The following REEP3 variants were observed in gnomAD, a reference collection of about 807,000 sequenced individuals.
REEP3 encodes the protein receptor expression-enhancing protein 3.
In REEP3, 20 loss-of-function variants were observed where a neutral mutation model predicts 41.3. The ratio of observed to expected loss-of-function variants is 0.48; its 90% CI spans 0.34 to 0.70. The LOEUF is 0.70. REEP3 is among the 30% of genes least tolerant of loss of function. REEP3 has a pLI of 0.01. For missense variants in REEP3, 271 were observed against 308.8 expected (o/e 0.88, Z 0.92); for synonymous variants, 104 against 101.8 (o/e 1.02, Z -0.13).
chr10:63,523,108 A>G (rs996062677), intron 1 of REEP3, among the ~76,000 whole-genome samples: 1 of 151,824 alleles, frequency 6.6e-6, no homozygotes, highest in Non-Finnish European at 1.5e-5. Context: ...TTTGTTTTTC[A>G]TAATTGCCAA....
At chr10:63,583,888 T>A (rs1046553711) in intron 2 of REEP3, among the ~76,000 whole-genome samples, 1 of 152,200 alleles carries the variant, frequency 6.6e-6, no homozygotes, top group African/African-American at 2.4e-5. Flanking sequence ...GACTGAGAAG[T>A]CATTCCTTCC....
intron 2 of REEP3, among the ~76,000 whole-genome samples, chr10:63,585,861 T>A (rs1372990592): frequency 6.6e-6 from 1 of 152,188 alleles, no homozygotes; most frequent in Non-Finnish European, 1.5e-5. Flanking sequence ...CCTTGTATAC[T>A]TGGGGCCTGG....
At chr10:63,571,995 T>C (rs918779303) in intron 2 of REEP3, among the ~76,000 whole-genome samples, 2 of 152,216 alleles carry the variant, frequency 1.3e-5, no homozygotes, top group African/African-American at 2.4e-5. Context: ...AATATGCATC[T>C]GATTAATTCA....
At chr10:63,605,781 A>C (rs987521894) in intron 5 of REEP3, among the ~76,000 whole-genome samples, 1 of 152,164 alleles carries the variant, frequency 6.6e-6, no homozygotes, top group Non-Finnish European at 1.5e-5. Context: ...CAGATGTCCT[A>C]GTGCCCTTGG....
intron 3 of REEP3, among the ~76,000 whole-genome samples, chr10:63,596,172 G>A (rs181349188): frequency 4.2e-4 from 64 of 152,108 alleles, no homozygotes; most frequent in Non-Finnish European, 5.3e-4. Context: ...ATTTGCAAAC[G>A]TCACTGTATC....
intron 5 of REEP3, among the ~76,000 whole-genome samples, chr10:63,602,727 A>G (rs879840125): frequency 6.6e-5 from 10 of 152,180 alleles, no homozygotes; most frequent in Non-Finnish European, 1.5e-4. Flanking sequence ...ACTCCCACGT[A>G]GGGCATCAGC....
chr10:63,602,814 A>G (rs1351061469), intron 5 of REEP3, among the ~76,000 whole-genome samples: 1 of 152,152 alleles, frequency 6.6e-6, no homozygotes, highest in African/African-American at 2.4e-5. Flanking sequence ...ATTGGTATTT[A>G]GCATTCTACA....
chr10:63,594,948 C>T, intron 3 of REEP3, 94 bp downstream of exon 3: 1 of 808,190 alleles, frequency 1.2e-6, no homozygotes, highest in South Asian at 1.4e-5. Context: ...GAGTGATTTT[C>T]ATCAGGTTAC....
intron 1 of REEP3, among the ~76,000 whole-genome samples, chr10:63,565,036 T>C (rs1395946222): frequency 6.6e-6 from 1 of 152,176 alleles, no homozygotes; most frequent in East Asian, 1.9e-4. Context: ...GGCAGGTGGA[T>C]CACTTGAGGT....
intron 1 of REEP3, among the ~76,000 whole-genome samples, chr10:63,538,901 C>G (rs1955500594): frequency 1.3e-5 from 2 of 152,164 alleles, no homozygotes; most frequent in Admixed American, 1.3e-4. Context: ...TATCCCCTTG[C>G]TTCCTTGTCA....
chr10:63,560,005 G>A (rs1025777385), intron 1 of REEP3, among the ~76,000 whole-genome samples: 1 of 152,054 alleles, frequency 6.6e-6, no homozygotes, highest in South Asian at 2.1e-4. Flanking sequence ...ATGCTCTAAG[G>A]TGTTAATTAT....
chr10:63,543,027 T>C (rs1462126387), intron 1 of REEP3, among the ~76,000 whole-genome samples: 1 of 152,082 alleles, frequency 6.6e-6, no homozygotes, highest in Non-Finnish European at 1.5e-5. Flanking sequence ...CCAGTGCTCC[T>C]CCCCAGCCAT....
At chr10:63,591,127 G>GT (rs5785582) in intron 2 of REEP3, among the ~76,000 whole-genome samples, 163 of 135,962 alleles carry the variant, frequency 1.2e-3, no homozygotes, top group Middle Eastern at 3.9e-3. Context: ...TTTTGTTTTT[G>GT]TTTTTTTTTT....
At chr10:63,614,210 G>C (rs1956296655) in intron 6 of REEP3, among the ~76,000 whole-genome samples, 1 of 152,120 alleles carries the variant, frequency 6.6e-6, no homozygotes, top group Non-Finnish European at 1.5e-5. Flanking sequence ...ATTTTCGTTT[G>C]CCAGATTGGC....
At chr10:63,601,517 G>A (rs1198026769) in intron 5 of REEP3, among the ~76,000 whole-genome samples, 1 of 152,200 alleles carries the variant, frequency 6.6e-6, no homozygotes, top group Non-Finnish European at 1.5e-5. Flanking sequence ...CAAGTCCAAA[G>A]TGCAGCCAGC....
rs1235804013 is a variant in REEP3, at chr10:63,522,355, A to G, written c.32+778A>G. On this transcript the variant is annotated intron_variant, in intron 1 of 7. Coordinates refer to ENST00000373758, the MANE Select transcript of REEP3 (RefSeq NM_001001330.3). ...GGTTCATTTCATTGTTCTCCTACCA[A>G]CAAGTGCTACAGGTCTGTAAGAAAA... 5.9e-5 allele frequency among the ~76,000 whole-genome samples: 9 copies of G among 152,258 alleles called. 1 individual carries two copies. The highest frequency in any genetic ancestry group is 5.2e-4 in the Admixed American group (8 of 15,296).
chr10:63,619,770 A>T lies in REEP3; in HGVS notation c.681A>T (p.Lys227Asn). ...GGCTTCGAAGATCGCAAAGCATGAA[A>T]TCTGTGAAAACCACCAAAGGCCGCA... ...HKGLRRSQSM[K>N]SVKTTKGRKE... is the part of the protein sequence containing the mutation. Residue 227 changes from lysine (K) to asparagine (N), a missense_variant, in exon 7 of 8, where the codon AAA (lysine) becomes AAT (asparagine). By Grantham distance (94) the Lys-to-Asn change is moderately conservative. Coordinates refer to ENST00000373758, the MANE Select transcript of REEP3 (RefSeq NM_001001330.3). The T allele has an allele frequency of 6.2e-7, 1 of 1,610,086 alleles. No individual in the cohort carries two copies. Among genetic ancestry groups the T allele is most frequent in the East Asian group, 2.2e-5 (1 of 44,848 alleles).
At chr10:63,550,367 G>A (rs1955617272) in intron 1 of REEP3, among the ~76,000 whole-genome samples, 1 of 152,196 alleles carries the variant, frequency 6.6e-6, no homozygotes, top group Non-Finnish European at 1.5e-5. Context: ...ATTACAAAGT[G>A]AATTACAATA....
At chr10:63,592,685 G>T (rs567814970) in intron 2 of REEP3, among the ~76,000 whole-genome samples, 1 of 150,516 alleles carries the variant, frequency 6.6e-6, no homozygotes, top group African/African-American at 2.4e-5. Context: ...GAGGTCAGGA[G>T]TTCGAGACCA....
Sources: gnomAD v4.1 joint callset for allele counts (sites outside exome capture counted in the v4.1 genomes callset) on GRCh38, gnomAD v4.1.1 for gene constraint, MANE v1.5 for transcripts, NCBI Gene and HGNC (gene_info 2026-07-23, HGNC 2026-07-21) for gene names.